The following USP40 variants were observed in gnomAD, a reference collection of about 807,000 sequenced individuals.
USP40 encodes ubiquitin specific peptidase 40, also known as ubiquitin carboxyl-terminal hydrolase 40.
USP40 carries 143 observed loss-of-function variants against 166.2 expected under a neutral mutation model. The ratio of observed to expected loss-of-function variants is 0.86; its 90% CI spans 0.75 to 0.99. USP40 has a LOEUF of 0.99. USP40 is among the 50% of genes least tolerant of loss of function. The pLI is 0.00. For missense variants in USP40, 1,444 were observed against 1,479.7 expected, an observed-to-expected ratio of 0.98 and a Z score of 0.40; for synonymous variants, 498 against 524.0, an observed-to-expected ratio of 0.95 and a Z score of 0.68.
At chr2:233,485,160 A>C (rs2064866809) in intron 30 of USP40, among the ~76,000 whole-genome samples, 1 of 152,144 alleles carries the variant, frequency 6.6e-6, no homozygotes. Context: ...TATTTCTTAC[A>C]TAATCTATTC....
chr2:233,497,267 G>A (rs1046832878), intron 23 of USP40, among the ~76,000 whole-genome samples: 4 of 152,218 alleles, frequency 2.6e-5, no homozygotes, highest in Admixed American at 2.6e-4. Context: ...AAAGTACCAG[G>A]AGGTCACACC....
chr2:233,531,846 T>A (rs530445433), intron 11 of USP40, among the ~76,000 whole-genome samples: 1 of 152,312 alleles, frequency 6.6e-6, no homozygotes, highest in East Asian at 1.9e-4. Context: ...TTGAGCGGAC[T>A]TTGAGAAGTG....
Position 233,491,251 on chromosome 2 carries a change from C to T in USP40, c.2928G>A (p.Gly976=). Residue 976 remains glycine, a synonymous_variant, in exon 26 of 32, where the codon GGG becomes GGA. Transcript: ENST00000678225. ...WRATSSQGAS[G]NEPAQVSLLY... The stretch of plus-strand genomic sequence containing the variant: ...GGAGAGAAACTTGCGCAGGCTCGTT[C>T]CCAGAAGCACCTTCCAAAGGACAGA... 2 of 1,610,998 alleles carry T rather than the reference C, an allele frequency of 1.2e-6. No individual in the cohort carries two copies. Among genetic ancestry groups the T allele is most frequent in the Non-Finnish European group, 1.7e-6 (2 of 1,178,472 alleles).
intron 12 of USP40, among the ~76,000 whole-genome samples, chr2:233,529,186 A>G (rs181159709): frequency 2.0e-5 from 3 of 152,216 alleles, no homozygotes; most frequent in Admixed American, 2.0e-4. Context: ...TACTCTTGTT[A>G]GGCTTCGATC....
At chr2:233,483,069 G>A (rs112270916) in intron 30 of USP40, among the ~76,000 whole-genome samples, 48 of 152,190 alleles carry the variant, frequency 3.2e-4, no homozygotes, top group African/African-American at 1.0e-3. Context: ...GTGTTACTGC[G>A]TATGTCGCTC....
At chr2:233,509,683 A>C (rs561216889) in intron 21 of USP40, among the ~76,000 whole-genome samples, 3 of 151,906 alleles carry the variant, frequency 2.0e-5, no homozygotes, top group African/African-American at 7.3e-5. Context: ...TCTACTAAAA[A>C]TACAAAAATT....
At chr2:233,529,011 G>A (rs1399440837) in intron 12 of USP40, among the ~76,000 whole-genome samples, 2 of 152,098 alleles carry the variant, frequency 1.3e-5, no homozygotes, top group Non-Finnish European at 2.9e-5. Context: ...CCCTCCTTTT[G>A]AAAATCTGCC....
At chr2:233,559,993 G>A in intron 3 of USP40, 69 bp from the exon 4 acceptor site, 1 of 1,077,950 alleles carries the variant, frequency 9.3e-7, no homozygotes, top group Non-Finnish European at 1.3e-6. Flanking sequence ...GAAAACAACT[G>A]CATACTAGCT....
intron 8 of USP40, among the ~76,000 whole-genome samples, chr2:233,543,486 C>T (rs955589368): frequency 6.6e-6 from 1 of 152,096 alleles, no homozygotes; most frequent in Non-Finnish European, 1.5e-5. Context: ...GTTAGGTTCC[C>T]CCAAAATTCA....
rs770852270 is a variant in USP40 at position 233,533,488 on chromosome 2, G to A, written c.1462C>T (p.Pro488Ser). ...LFYRKSQLQR[P>S]PEARANPRYG... is the part of the protein sequence containing the mutation. ...ATTTTTCTTTCCATACCTTCAGGGG[G>A]TCTCTGCAACTGGGATTTCCGATAA... Residue 488 changes from proline to serine, a missense_variant, in exon 11 of 32, where the codon CCC (proline) becomes TCC (serine). Transcript: ENST00000678225. The A allele has an allele frequency of 5.6e-6, 9 of 1,612,758 alleles. No individual in the cohort carries two copies. In the East Asian group the frequency reaches 1.8e-4, roughly 32 times the overall value.
At chr2:233,552,746 G>A (rs1049834489) in intron 6 of USP40, among the ~76,000 whole-genome samples, 1 of 152,140 alleles carries the variant, frequency 6.6e-6, no homozygotes, top group Non-Finnish European at 1.5e-5. Flanking sequence ...AAAGCTACAG[G>A]CACAGGGTTT....
chr2:233,527,484 A>G lies in USP40; in HGVS notation c.1648T>C (p.Ser550Pro). The change falls in exon 13 of 32, where the codon TCT (serine) becomes CCT (proline). Residue 550 changes from serine to proline, a missense_variant. Ser to Pro is a moderately conservative substitution (Grantham distance 74). Transcript: ENST00000678225. ...AAATCCCACACGCTTTCTGTTTGAG[A>G]GACTACTGGGTGCAGAGCCCCATTG... Reference protein sequence around the residue: ...FFNGALHPVVSQTESVWDLTF... With the variant: ...FFNGALHPVVPQTESVWDLTF... The G allele has an allele frequency of 6.2e-7, 1 of 1,613,834 alleles. No individual in the cohort carries two copies. Among genetic ancestry groups the G allele is most frequent in the Non-Finnish European group, 8.5e-7 (1 of 1,179,818 alleles).
intron 18 of USP40, among the ~76,000 whole-genome samples, chr2:233,513,693 T>C (rs938046782): frequency 2.0e-5 from 3 of 152,226 alleles, no homozygotes; most frequent in African/African-American, 7.2e-5. Context: ...TAAAATATGT[T>C]GGGTGATTTT....
At chr2:233,554,219 AT>A in intron 6 of USP40, 160 bp downstream of exon 6, 2 of 802,842 alleles carry the variant, frequency 2.5e-6, no homozygotes, top group Non-Finnish European at 3.4e-6. Flanking sequence ...AGCCTTAAAA[AT>A]TCATTATTGT....
At chr2:233,500,690 A>G (rs566957093) in intron 21 of USP40, among the ~76,000 whole-genome samples, 1 of 152,358 alleles carries the variant, frequency 6.6e-6, no homozygotes, top group East Asian at 1.9e-4. Flanking sequence ...AAAGAAAAAA[A>G]CAGATTCATA....
intron 30 of USP40, 162 bp from the exon 31 acceptor site, chr2:233,481,459 A>C: frequency 1.5e-6 from 1 of 655,414 alleles, no homozygotes; most frequent in African/African-American, 1.8e-5. Flanking sequence ...TGCTCGATGA[A>C]AACAAACTCG....
rs746629187 is a variant in USP40, at chr2:233,509,838, TAAAAAAAAAAAAA to T, written c.2613+198_2613+210del. 4.9e-5 allele frequency among the ~76,000 whole-genome samples: 4 copies of T among 80,826 alleles called. No individual in the cohort carries two copies. The Admixed American group carries it at 5.9e-4, about 12-fold the overall frequency. 53.0% of individuals were successfully genotyped at this position (80,826 alleles called of 152,430 possible). On this transcript the variant is annotated intron_variant, in intron 21 of 31. Transcript: ENST00000678225. ...CCTGGGTGACAGAGTTGAGACTCTC[TAAAAAAAAAAAAA>T]AAAAAAAAAAAATCCAGTTGGTTCA... is the stretch of plus-strand genomic sequence containing the variant.
At chr2:233,562,939 C>T in intron 2 of USP40, 136 bp from the exon 3 acceptor site, 3 of 516,692 alleles carry the variant, frequency 5.8e-6, no homozygotes, top group Non-Finnish European at 9.7e-6. Context: ...ATACCTTACT[C>T]TATACACTTT....
intron 18 of USP40, among the ~76,000 whole-genome samples, chr2:233,515,970 T>C (rs1245700067): frequency 6.6e-6 from 1 of 152,230 alleles, no homozygotes; most frequent in Middle Eastern, 3.2e-3. Flanking sequence ...CTTGGCACCT[T>C]TGTTGAAAGT....
Sources: allele counts gnomAD v4.1 joint callset (sites outside exome capture counted in the v4.1 genomes callset), GRCh38; gene constraint gnomAD v4.1.1; transcripts MANE v1.5; gene names NCBI Gene and HGNC (gene_info 2026-07-23, HGNC 2026-07-21).